MMP17: variants seen among roughly 807,000 people sequenced by gnomAD.
MMP17 encodes the protein matrix metallopeptidase 17.
MMP17 carries 54 observed loss-of-function variants against 49.1 expected under a neutral mutation model. That is an observed-to-expected ratio of 1.10 (90% CI 0.88 to 1.38). The LOEUF is 1.38. Ranked by LOEUF, MMP17 falls within the 40% of genes most tolerant of loss-of-function variation. The pLI is 0.00. For synonymous variants in MMP17, 397 were observed against 383.1 expected (o/e 1.04, Z -0.42); for missense variants, 837 against 853.7 (o/e 0.98, Z 0.24).
intron 1 of MMP17, among the ~76,000 whole-genome samples, chr12:131,834,933 G>A (rs1019202639): frequency 6.6e-6 from 1 of 152,220 alleles, no homozygotes; most frequent in Non-Finnish European, 1.5e-5. Context: ...TGGGAGCACA[G>A]GACAGGTCAG....
At chr12:131,848,728 C>T (rs1279718921) in intron 8 of MMP17, among the ~76,000 whole-genome samples, 1 of 152,170 alleles carries the variant, frequency 6.6e-6, no homozygotes, top group Non-Finnish European at 1.5e-5. Flanking sequence ...CCTCGGGGCT[C>T]ATACACGCGG....
rs770687811 is a variant in MMP17 at position 131,842,920 on chromosome 12, AT to A, written c.884-1076del. Among the ~76,000 whole-genome samples, 333 of 152,092 alleles carry A rather than the reference AT, an allele frequency of 2.2e-3. 1 individual carries two copies. Among genetic ancestry groups the A allele is most frequent in the Non-Finnish European group, 4.0e-3 (270 of 67,984 alleles). On this transcript the variant is annotated intron_variant, in intron 5 of 9. Transcript: ENST00000360564. ...CCGAAGGAGACCCGACGCCCATCCC[AT>A]CCCCCCAGCCCCTGGCAACCCCTGA...
chr12:131,841,498 C>G, intron 4 of MMP17, 126 bp from the exon 5 acceptor site: 1 of 998,744 alleles, frequency 1.0e-6, no homozygotes, highest in Non-Finnish European at 1.5e-6. Context: ...TGCAGAATCC[C>G]TCTGGCGCAG....
At chr12:131,832,559 G>A (rs891604506) in intron 1 of MMP17, among the ~76,000 whole-genome samples, 4 of 152,050 alleles carry the variant, frequency 2.6e-5, no homozygotes, top group African/African-American at 9.7e-5. Context: ...GGTGTCAGAC[G>A]CATGCAGGGC....
intron 1 of MMP17, among the ~76,000 whole-genome samples, chr12:131,831,661 G>A (rs1359363890): frequency 1.3e-5 from 2 of 150,800 alleles, no homozygotes; most frequent in Non-Finnish European, 3.0e-5. Context: ...CGTCTTCATG[G>A]CTCCGGGGAT....
At chr12:131,845,476 G>A (rs748100613) in intron 8 of MMP17, 27 bp downstream of exon 8, 34 of 1,535,208 alleles carry the variant, frequency 2.2e-5, no homozygotes, top group East Asian at 9.1e-5. Flanking sequence ...GTCGCACTCC[G>A]GGCTTCCCGG....
At chr12:131,845,065 G>C in intron 6 of MMP17, 53 bp from the exon 7 acceptor site, 3 of 1,482,030 alleles carry the variant, frequency 2.0e-6, no homozygotes, top group Non-Finnish European at 2.7e-6. Context: ...AGGATGCCCT[G>C]TCCCGCGCTG....
rs145114342 is a variant in MMP17 at position 131,843,700 on chromosome 12, G to A, written c.884-297G>A. 6.8e-4 allele frequency among the ~76,000 whole-genome samples: 104 copies of A among 152,362 alleles called. 2 individuals are homozygous for A. The highest frequency in any genetic ancestry group is 3.4e-3 in the Middle Eastern group (1 of 294). On this transcript the variant is annotated intron_variant, in intron 5 of 9. Transcript: ENST00000360564. ...CCTGTTGGCTGCGGTGAACAGTGCT[G>A]TGAAGGCTGGTGTACGAGCTCCTGT...
rs538425378 is a variant in MMP17 at position 131,834,361 on chromosome 12, C to T, written c.160-3834C>T. On this transcript the variant is annotated intron_variant, in intron 1 of 9. Coordinates refer to ENST00000360564, the MANE Select transcript of MMP17 (RefSeq NM_016155.7). ...CCCTGCTGCTGCTGCAGCACCCGCC[C>T]GCCACAGCCTCTGTTGCCCTGGAGA... Among the ~76,000 whole-genome samples the T allele has an allele frequency of 4.7e-4, 71 of 152,304 alleles. 1 individual carries two copies. Among genetic ancestry groups the T allele is most frequent in the African/African-American group, 1.5e-3 (63 of 41,568 alleles).
Position 131,850,067 on chromosome 12 carries a change from C to T in MMP17, c.1462+8C>T. The T allele has an allele frequency of 1.2e-6, 2 of 1,602,964 alleles. No homozygotes were observed. The highest frequency in any genetic ancestry group is 1.7e-6 in the Non-Finnish European group (2 of 1,174,212). ...CCATGCGCTGGTCCGACGGTGAGTG[C>T]CAGCTGGGGGGACGGGCCATGCGGC... On this transcript the variant is annotated splice_region_variant and intron_variant, in intron 9 of 9. Transcript: ENST00000360564.
intron 1 of MMP17, among the ~76,000 whole-genome samples, chr12:131,831,407 T>G (rs1479713047): frequency 6.6e-6 from 1 of 152,030 alleles, no homozygotes; most frequent in Middle Eastern, 3.2e-3. Context: ...GGCCAGATGG[T>G]GCCAGGTGGC....
intron 8 of MMP17, among the ~76,000 whole-genome samples, chr12:131,847,359 G>A (rs2136340625): frequency 6.6e-6 from 1 of 150,968 alleles, no homozygotes; most frequent in East Asian, 2.0e-4. Flanking sequence ...TTTGCAGTGA[G>A]GTGAGATCAC....
At chr12:131,835,560 G>A (rs1887042972) in intron 1 of MMP17, among the ~76,000 whole-genome samples, 1 of 152,208 alleles carries the variant, frequency 6.6e-6, no homozygotes, top group Non-Finnish European at 1.5e-5. Context: ...GGGCCACTCA[G>A]TGCAGCTACC....
At chr12:131,838,122 GC>G in intron 1 of MMP17, 72 bp from the exon 2 acceptor site, 8 of 1,503,808 alleles carry the variant, frequency 5.3e-6, no homozygotes, top group Non-Finnish European at 7.1e-6. Flanking sequence ...AGCAGTGGTG[GC>G]CCGTGGCAGG....
At chr12:131,829,456 GC>G (rs1000671446) in intron 1 of MMP17, among the ~76,000 whole-genome samples, 1 of 151,938 alleles carries the variant, frequency 6.6e-6, no homozygotes, top group African/African-American at 2.4e-5. Context: ...TGGGGTCAGC[GC>G]CCCCCCGCTG....
chr12:131,846,858 C>T lies in MMP17; in HGVS notation c.1204+1409C>T, dbSNP rs902882159. 1.3e-5 allele frequency among the ~76,000 whole-genome samples: 2 copies of T among 152,160 alleles called. No individual in the cohort carries two copies. Among genetic ancestry groups the T allele is most frequent in the Non-Finnish European group, 2.9e-5 (2 of 68,034 alleles). On this transcript the variant is annotated intron_variant, in intron 8 of 9. Coordinates refer to ENST00000360564, the MANE Select transcript of MMP17 (RefSeq NM_016155.7). This position sits in a 1 kb window ranked among gnomAD's most constrained non-coding sequence, Gnocchi z 4.6. ...CCTTGCCGAGGTAAAGGGTGTTCTG[C>T]GTGTCTGTCAGGGGAACCACTTCCT...
intron 8 of MMP17, among the ~76,000 whole-genome samples, chr12:131,848,871 T>G (rs1887835926): frequency 6.6e-6 from 1 of 152,196 alleles, no homozygotes; most frequent in Admixed American, 6.5e-5. Context: ...GCTATGAGCG[T>G]GAGTGTGCAA....
intron 9 of MMP17, 71 bp from the exon 10 acceptor site, chr12:131,850,854 T>C (rs1397723776): frequency 8.2e-7 from 1 of 1,226,048 alleles, no homozygotes; most frequent in Non-Finnish European, 1.1e-6. Context: ...CAACGCTCCC[T>C]CCTCGCTGTC....
chr12:131,831,783 C>T (rs563501202), intron 1 of MMP17, among the ~76,000 whole-genome samples: 3 of 123,070 alleles, frequency 2.4e-5, no homozygotes, highest in Admixed American at 8.8e-5. Context: ...AGCGGAGGTG[C>T]TTCCGATGGT....
Sources: gnomAD v4.1 joint callset for allele counts (sites outside exome capture counted in the v4.1 genomes callset) on GRCh38, gnomAD v4.1.1 for gene constraint, Gnocchi (gnomAD v3.1) non-coding constraint, MANE v1.5 for transcripts, NCBI Gene and HGNC (gene_info 2026-07-23, HGNC 2026-07-21) for gene names.